FHIT: variants seen among roughly 807,000 people sequenced by gnomAD.
FHIT encodes the protein bis(5'-adenosyl)-triphosphatase.
A neutral mutation model predicts 17.9 loss-of-function variants in FHIT; 19 were observed. The observed-to-expected ratio is 1.06, with a 90% CI of 0.74 to 1.56. The LOEUF is 1.56. Among genes scored for constraint, FHIT ranks in the 40% most tolerant of loss-of-function variants. FHIT has a pLI of 0.00. For missense variants in FHIT, 248 were observed against 189.2 expected, an observed-to-expected ratio of 1.31 and a Z score of -1.82; for synonymous variants, 81 against 69.7, an observed-to-expected ratio of 1.16 and a Z score of -0.81.
chr3:60,447,661 T>C (rs1216059670), intron 5 of FHIT, among the ~76,000 whole-genome samples: 1 of 152,004 alleles, frequency 6.6e-6, no homozygotes, highest in Admixed American at 6.6e-5. Context: ...TCTAATACAA[T>C]AATAAAAAAA....
intron 4 of FHIT, among the ~76,000 whole-genome samples, chr3:60,709,001 T>C (rs1224293065): frequency 2.6e-5 from 4 of 152,198 alleles, no homozygotes; most frequent in African/African-American, 7.2e-5. Context: ...GAGCATTCTA[T>C]GGAACGTACT....
chr3:60,289,732 G>A (rs534150272), intron 5 of FHIT, among the ~76,000 whole-genome samples: 34 of 152,216 alleles, frequency 2.2e-4, no homozygotes, highest in Non-Finnish European at 1.3e-4. Flanking sequence ...ATGATGTTCC[G>A]TGTTCTCCCA....
intron 2 of FHIT, among the ~76,000 whole-genome samples, chr3:61,131,708 A>G (rs2036770358): frequency 6.6e-6 from 1 of 152,252 alleles, no homozygotes; most frequent in African/African-American, 2.4e-5. Context: ...TCACAGCAAC[A>G]TCCTGACAAT....
chr3:60,399,832 A>G (rs1252047076), intron 5 of FHIT, among the ~76,000 whole-genome samples: 2 of 152,166 alleles, frequency 1.3e-5, no homozygotes, highest in Non-Finnish European at 2.9e-5. Flanking sequence ...ATGCCTTCAA[A>G]AAGAAAAGGT....
chr3:60,660,131 A>C (rs934934392), intron 4 of FHIT, among the ~76,000 whole-genome samples: 4 of 152,188 alleles, frequency 2.6e-5, no homozygotes, highest in Non-Finnish European at 5.9e-5. Flanking sequence ...AAAAGGGGAA[A>C]AGAAAAAAAA....
Position 60,014,028 on chromosome 3 carries a change from G to A in FHIT, c.228C>T (p.Thr76=), listed in dbSNP as rs780660943. Residue 76 remains threonine, a synonymous_variant, in exon 6 of 10, where the codon ACC becomes ACT. Coordinates refer to ENST00000492590, the MANE Select transcript of FHIT (RefSeq NM_002012.4). ...GTVVEKHFHG[T]SLTFSMQDGP... ...TCACCTGCATGGAAAAGGTGAGAGA[G>A]GTCCCATGGAAATGTTTTTCCACCA... The A allele has an allele frequency of 1.2e-6, 2 of 1,613,886 alleles. No homozygotes were observed. Among genetic ancestry groups the A allele is most frequent in the East Asian group, 2.2e-5 (1 of 44,858 alleles).
intron 8 of FHIT, among the ~76,000 whole-genome samples, chr3:59,882,576 C>T (rs1703454436): frequency 1.3e-5 from 2 of 152,134 alleles, no homozygotes; most frequent in Admixed American, 1.3e-4. Context: ...CACATCCCTA[C>T]AAAGCAAATG....
At chr3:60,387,557 T>A (rs960270859) in intron 5 of FHIT, among the ~76,000 whole-genome samples, 6 of 152,086 alleles carry the variant, frequency 3.9e-5, no homozygotes, top group Non-Finnish European at 5.9e-5. Context: ...GAAACAATAA[T>A]CATCATCCTG....
chr3:60,194,052 C>G (rs1401150508), intron 5 of FHIT, among the ~76,000 whole-genome samples: 1 of 152,106 alleles, frequency 6.6e-6, no homozygotes, highest in African/African-American at 2.4e-5. Flanking sequence ...CAATTCCTAT[C>G]AAAAAACCAT....
At chr3:60,660,603 C>T (rs1242365112) in intron 4 of FHIT, among the ~76,000 whole-genome samples, 2 of 151,904 alleles carry the variant, frequency 1.3e-5, no homozygotes, top group Admixed American at 1.3e-4. Flanking sequence ...TTTTGATCTT[C>T]CCAGAATCCC....
At chr3:60,558,670 C>A (rs370780136) in intron 4 of FHIT, among the ~76,000 whole-genome samples, 1 of 152,116 alleles carries the variant, frequency 6.6e-6, no homozygotes, top group Non-Finnish European at 1.5e-5. Flanking sequence ...GTCTTCTATA[C>A]CAGGAAGGGC....
At chr3:59,868,791 G>A (rs533741536) in intron 8 of FHIT, among the ~76,000 whole-genome samples, 1 of 152,310 alleles carries the variant, frequency 6.6e-6, no homozygotes, top group South Asian at 2.1e-4. Flanking sequence ...TTAACCATTT[G>A]TAGGTCTAAT....
At chr3:60,668,070 G>A (rs1479212818) in intron 4 of FHIT, among the ~76,000 whole-genome samples, 13 of 152,010 alleles carry the variant, frequency 8.6e-5, no homozygotes, top group African/African-American at 3.1e-4. Flanking sequence ...ACTTTTTGTG[G>A]TTGCATCCTT....
intron 7 of FHIT, among the ~76,000 whole-genome samples, chr3:59,973,208 C>T (rs1191897873): frequency 6.6e-6 from 1 of 152,118 alleles, no homozygotes; most frequent in Non-Finnish European, 1.5e-5. Context: ...AATCTGTCTT[C>T]CATCCTAACC....
In FHIT at chr3:60,860,118, TAA is replaced by T. The variant is rs1383638637; in HGVS notation, c.-110-38109_-110-38108del. On this transcript the variant is annotated intron_variant, in intron 3 of 9. Transcript: ENST00000492590. ...TATGATATATCTGATATATGATATA[TAA>T]ATGATATATCTGATATATATACATA... Among the ~76,000 whole-genome samples, 6 of 147,044 alleles carry T rather than the reference TAA, an allele frequency of 4.1e-5. 1 individual carries two copies. Among genetic ancestry groups the T allele is most frequent in the African/African-American group, 1.0e-4 (4 of 39,940 alleles).
chr3:59,948,551 AAAAT>A (rs981512393), intron 7 of FHIT, among the ~76,000 whole-genome samples: 2 of 151,730 alleles, frequency 1.3e-5, no homozygotes, highest in African/African-American at 4.8e-5. Context: ...AAATAAATAA[AAAAT>A]AAATAAATCA....
chr3:61,058,026 G>A (rs2106683653), intron 2 of FHIT, among the ~76,000 whole-genome samples: 1 of 152,082 alleles, frequency 6.6e-6, no homozygotes, highest in East Asian at 1.9e-4. Context: ...GATTAGCTCT[G>A]AGACCTAGCA....
chr3:61,221,631 A>G (rs2039841347), intron 1 of FHIT, among the ~76,000 whole-genome samples: 1 of 152,208 alleles, frequency 6.6e-6, no homozygotes, highest in Non-Finnish European at 1.5e-5. Flanking sequence ...GACTGTCAGT[A>G]CCTTACCAAA....
intron 4 of FHIT, among the ~76,000 whole-genome samples, chr3:60,788,002 C>T (rs1700642981): frequency 6.6e-6 from 1 of 152,210 alleles, no homozygotes; most frequent in South Asian, 2.1e-4. Flanking sequence ...ATAGAAGCTT[C>T]ATTCAGGCTC....
Sources: allele counts gnomAD v4.1 joint callset (sites outside exome capture counted in the v4.1 genomes callset), GRCh38; gene constraint gnomAD v4.1.1; transcripts MANE v1.5; gene names NCBI Gene and HGNC (gene_info 2026-07-23, HGNC 2026-07-21).